Variants in LANCL1 observed in about 807,000 individuals in gnomAD.
The protein encoded by LANCL1 is glutathione S-transferase LANCL1.
Under a neutral mutation model 50.6 loss-of-function variants are expected in LANCL1, and 50 were observed. The observed-to-expected ratio is 0.99, with a 90% CI of 0.79 to 1.25. The LOEUF is 1.25. LANCL1 is among the 50% of genes most tolerant of loss of function. The probability of loss-of-function intolerance (pLI) is 0.00; values close to 1 mark genes in which losing one functional copy is unlikely to be tolerated. For synonymous variants in LANCL1, 188 were observed against 178.6 expected, an observed-to-expected ratio of 1.05 and a Z score of -0.42; for missense variants, 532 against 480.7, an observed-to-expected ratio of 1.11 and a Z score of -1.00.
At chr2:210,464,983 A>ACAACAAAAAAAC (rs1553714476) in intron 3 of LANCL1, among the ~76,000 whole-genome samples, 2 of 64,568 alleles carry the variant, frequency 3.1e-5, no homozygotes, top group Non-Finnish European at 8.4e-5. Flanking sequence ...AAAAAAAAAA[A>ACAACAAAAAAAC]AAAAAAAACT....
Position 210,437,840 on chromosome 2 carries a change from A to G in LANCL1, c.723T>C (p.His241=), listed in dbSNP as rs1464127294. 3 of 1,605,048 alleles carry G rather than the reference A, an allele frequency of 1.9e-6. No homozygotes were observed. Among genetic ancestry groups the G allele is most frequent in the African/African-American group, 1.3e-5 (1 of 74,572 alleles). ...AGTCTACACTGGGCTTGACCAAACTATGTAACTTCCCTTGGCTCACTTGAA... is the reference window on the plus strand; with the variant it reads ...AGTCTACACTGGGCTTGACCAAACTGTGTAACTTCCCTTGGCTCACTTGAA... ...PSLQVSQGKL[H]SLVKPSVDYV... is the part of the protein sequence containing the mutation. Residue 241 remains histidine (H), a synonymous_variant, in exon 7 of 10, where the codon CAT becomes CAC. Coordinates refer to ENST00000450366, the MANE Select transcript of LANCL1 (RefSeq NM_006055.3).
chr2:210,450,118 C>T (rs961014262), intron 4 of LANCL1, among the ~76,000 whole-genome samples: 2 of 152,182 alleles, frequency 1.3e-5, no homozygotes, highest in Non-Finnish European at 2.9e-5. Flanking sequence ...TTAACCAAAA[C>T]AGCATGGTAC....
chr2:210,448,277 GAAAT>G (rs1400713809), intron 4 of LANCL1, among the ~76,000 whole-genome samples: 1 of 152,160 alleles, frequency 6.6e-6, no homozygotes, highest in Admixed American at 6.5e-5. Flanking sequence ...AATTAAGGCA[GAAAT>G]AAATAAGTTC....
At chr2:210,438,666 T>C (rs1309766057) in intron 6 of LANCL1, among the ~76,000 whole-genome samples, 1 of 152,146 alleles carries the variant, frequency 6.6e-6, no homozygotes, top group Non-Finnish European at 1.5e-5. Flanking sequence ...ACTAACAAGT[T>C]AAGAGACCTG....
intron 3 of LANCL1, chr2:210,471,591 C>T (rs1444895890): frequency 2.1e-6 from 1 of 469,466 alleles, no homozygotes; most frequent in Non-Finnish European, 4.2e-6. Context: ...TGAGATCAAT[C>T]CTCATTACCT....
chr2:210,456,580 GAA>G (rs779944897), intron 3 of LANCL1, among the ~76,000 whole-genome samples: 201 of 138,056 alleles, frequency 1.5e-3, no homozygotes, highest in African/African-American at 4.5e-3. Context: ...GTGTAGGTAA[GAA>G]AAAAAAAAAA....
At chr2:210,469,504 T>C (rs754192728) in intron 3 of LANCL1, among the ~76,000 whole-genome samples, 2 of 152,280 alleles carry the variant, frequency 1.3e-5, no homozygotes, top group Admixed American at 6.5e-5. Flanking sequence ...AGCAAATTTA[T>C]CTAGAAGATT....
chr2:210,471,107 A>C (rs3856343), intron 3 of LANCL1, among the ~76,000 whole-genome samples: 64,117 of 137,272 alleles, frequency 0.47, 15,281 homozygotes, highest in East Asian at 0.62. Context: ...AGTGCAGTGG[A>C]GTGATCTCAT....
intron 5 of LANCL1, 124 bp from the exon 6 acceptor site, chr2:210,440,868 G>T: frequency 1.2e-6 from 1 of 804,444 alleles, no homozygotes; most frequent in Non-Finnish European, 1.9e-6. Context: ...CTTATAGCCA[G>T]GGAAAGGCAC....
chr2:210,470,116 G>T (rs1318919172), intron 3 of LANCL1, among the ~76,000 whole-genome samples: 1 of 152,058 alleles, frequency 6.6e-6, no homozygotes, highest in Non-Finnish European at 1.5e-5. Context: ...GTCCTGTTTT[G>T]TTCAAACCAC....
chr2:210,456,522 C>T (rs1559715826), intron 3 of LANCL1, among the ~76,000 whole-genome samples: 1 of 151,368 alleles, frequency 6.6e-6, no homozygotes, highest in Admixed American at 6.6e-5. Context: ...AGCTGATGAT[C>T]AGATGCATCA....
intron 3 of LANCL1, among the ~76,000 whole-genome samples, chr2:210,457,562 GC>G (rs1346404108): frequency 1.3e-5 from 2 of 152,094 alleles, no homozygotes; most frequent in Non-Finnish European, 2.9e-5. Context: ...TTCAGTCAAT[GC>G]CTAGAAATGC....
chr2:210,441,269 G>A (rs747403472), intron 5 of LANCL1, 39 bp downstream of exon 5: 4 of 1,592,548 alleles, frequency 2.5e-6, no homozygotes, highest in Middle Eastern at 3.4e-4. Flanking sequence ...AAGTAAATGG[G>A]ATCCTAAAAA....
intron 3 of LANCL1, among the ~76,000 whole-genome samples, chr2:210,471,288 AC>A (rs141192706): frequency 0.33 from 50,268 of 151,392 alleles, 8,631 homozygotes; most frequent in Middle Eastern, 0.42. Flanking sequence ...CTCGTGATCC[AC>A]CCGCCTCGGC....
rs555582782 is a variant in LANCL1, at chr2:210,452,929, A to G, written c.407+2178T>C. Among the ~76,000 whole-genome samples the G allele has an allele frequency of 4.6e-5, 7 of 152,298 alleles. No individual in the cohort carries two copies. In the East Asian group the frequency reaches 1.2e-3, roughly 25 times the overall value. ...GAGAAAAAAGGTTTAGTAAAAAGTTAAAGGAGGTTTACTAAATAACTTATA... is the reference window on the plus strand; with the variant it reads ...GAGAAAAAAGGTTTAGTAAAAAGTTGAAGGAGGTTTACTAAATAACTTATA... On this transcript the variant is annotated intron_variant, in intron 4 of 9. Transcript: ENST00000450366.
rs1693092207 is a variant in LANCL1, at chr2:210,440,462, A to G, written c.690+136T>C. 7.7e-6 allele frequency: 6 copies of G among 779,646 alleles called. 1 individual carries two copies. Among genetic ancestry groups the G allele is most frequent in the Middle Eastern group, 4.8e-4 (2 of 4,194 alleles). 48.3% of individuals were successfully genotyped at this position (779,646 alleles called of 1,614,324 possible). On this transcript the variant is annotated intron_variant, in intron 6 of 9. Transcript: ENST00000450366. Reference sequence around the variant, plus strand: ...AACATTACTTTTGTTTGTCTAGGACAAGTAATTACAAGGAGAGTACTGTAA... The same window carrying G: ...AACATTACTTTTGTTTGTCTAGGACGAGTAATTACAAGGAGAGTACTGTAA...
At position 210,453,405 on chromosome 2, in the gene LANCL1, C is replaced by T. The variant is rs903857852; in HGVS notation, c.407+1702G>A. 3.9e-5 allele frequency among the ~76,000 whole-genome samples: 6 copies of T among 152,112 alleles called. 1 individual carries two copies. In the East Asian group the frequency reaches 1.2e-3, roughly 29 times the overall value. On this transcript the variant is annotated intron_variant, in intron 4 of 9. Coordinates refer to ENST00000450366, the MANE Select transcript of LANCL1 (RefSeq NM_006055.3). ...GGCAAGTGCTGCTCCCTAGAGTTGG[C>T]GTGTTGTCCCCAGGTATACAAGCTA...
intron 4 of LANCL1, among the ~76,000 whole-genome samples, chr2:210,445,635 A>G (rs1030839022): frequency 3.3e-5 from 5 of 152,186 alleles, no homozygotes; most frequent in African/African-American, 4.8e-5. Context: ...AAGAAATGAT[A>G]TCACTGATAA....
chr2:210,458,476 A>G (rs1489615554), intron 3 of LANCL1, among the ~76,000 whole-genome samples: 1 of 152,200 alleles, frequency 6.6e-6, no homozygotes, highest in Admixed American at 6.5e-5. Context: ...AAGGTTTGCA[A>G]GGGAGTGTAT....
Sources: gnomAD v4.1 joint callset for allele counts (sites outside exome capture counted in the v4.1 genomes callset) on GRCh38, gnomAD v4.1.1 for gene constraint, MANE v1.5 for transcripts, NCBI Gene and HGNC (gene_info 2026-07-23, HGNC 2026-07-21) for gene names.